Variants in MARCHF1 observed in about 807,000 individuals in gnomAD.
MARCHF1 encodes the protein membrane associated ring-CH-type finger 1.
Under a neutral mutation model 54.2 loss-of-function variants are expected in MARCHF1, and 40 were observed. That is an observed-to-expected ratio of 0.74 (90% confidence interval 0.57 to 0.96). The LOEUF is 0.96. MARCHF1 is among the 40% of genes least tolerant of loss of function. The pLI, the probability that MARCHF1 is intolerant of heterozygous loss-of-function variation, is 0.00. For missense variants in MARCHF1, 586 were observed against 656.5 expected (o/e 0.89, Z 1.17); for synonymous variants, 236 against 236.3 (o/e 1.00, Z 0.01).
At chr4:163,992,721 G>C (rs6817504) in intron 2 of MARCHF1, among the ~76,000 whole-genome samples, 17,000 of 148,752 alleles carry the variant, frequency 0.11, 1,115 homozygotes, top group Middle Eastern at 0.21. Flanking sequence ...AAAATCCTAT[G>C]AGCAATATAA....
intron 4 of MARCHF1, among the ~76,000 whole-genome samples, chr4:163,782,692 G>GAAAGAA (rs1747502991): frequency 7.1e-6 from 1 of 140,798 alleles, no homozygotes; most frequent in African/African-American, 2.6e-5. Context: ...AAAAAAGAAA[G>GAAAGAA]AAAGAAAAGG....
At chr4:164,065,842 G>C (rs1419516292) in intron 2 of MARCHF1, among the ~76,000 whole-genome samples, 1 of 152,192 alleles carries the variant, frequency 6.6e-6, no homozygotes, top group African/African-American at 2.4e-5. Context: ...CAGGGCAGGA[G>C]AAATGGAAGG....
At chr4:164,190,045 G>A in intron 1 of MARCHF1, 3 of 1,342,904 alleles carry the variant, frequency 2.2e-6, no homozygotes, top group Non-Finnish European at 3.2e-6. Context: ...CTCAAGGAGT[G>A]CATTGATACT....
At chr4:164,302,654 G>T (rs191833629) in intron 1 of MARCHF1, among the ~76,000 whole-genome samples, 49 of 152,148 alleles carry the variant, frequency 3.2e-4, no homozygotes, top group Admixed American at 1.2e-3. Context: ...GAGGTAGGTG[G>T]ATAACTTGAG....
intron 3 of MARCHF1, among the ~76,000 whole-genome samples, chr4:163,937,136 C>T (rs1008704984): frequency 1.3e-5 from 2 of 152,096 alleles, no homozygotes; most frequent in African/African-American, 2.4e-5. Context: ...GTTACAGTCC[C>T]ACTGGAATAC....
intron 3 of MARCHF1, among the ~76,000 whole-genome samples, chr4:163,893,227 C>A (rs76332356): frequency 1.3e-5 from 2 of 152,116 alleles, no homozygotes; most frequent in African/African-American, 4.8e-5. Context: ...GCAACCTCCG[C>A]CTTCCAGTTC....
intron 1 of MARCHF1, among the ~76,000 whole-genome samples, chr4:164,295,447 A>AACAC (rs5863675): frequency 8.6e-5 from 13 of 150,796 alleles, no homozygotes; most frequent in East Asian, 2.0e-4. Context: ...CATACACACA[A>AACAC]ACACACACAC....
chr4:164,259,205 C>T (rs1188196131), intron 1 of MARCHF1, among the ~76,000 whole-genome samples: 2 of 152,044 alleles, frequency 1.3e-5, no homozygotes, highest in East Asian at 3.9e-4. Context: ...TGCACATCAC[C>T]TATCCATCAA....
intron 1 of MARCHF1, among the ~76,000 whole-genome samples, chr4:164,155,068 T>C (rs1487766588): frequency 2.6e-5 from 4 of 152,178 alleles, no homozygotes; most frequent in African/African-American, 9.7e-5. Context: ...CATTCTGTTG[T>C]TTGTCTGTTC....
At chr4:164,173,522 G>A (rs866665597) in intron 1 of MARCHF1, among the ~76,000 whole-genome samples, 2 of 152,152 alleles carry the variant, frequency 1.3e-5, no homozygotes, top group South Asian at 4.1e-4. Flanking sequence ...ATGTTGAAAT[G>A]TAATCTTCAG....
At chr4:164,381,362 T>G (rs1004283584) in intron 1 of MARCHF1, among the ~76,000 whole-genome samples, 1 of 152,226 alleles carries the variant, frequency 6.6e-6, no homozygotes. Context: ...AAATTATATC[T>G]ATTTATAATA....
chr4:164,159,967 C>T (rs937900023), intron 1 of MARCHF1, among the ~76,000 whole-genome samples: 3 of 152,106 alleles, frequency 2.0e-5, no homozygotes, highest in Non-Finnish European at 4.4e-5. Context: ...GAAACCACCA[C>T]TTATGCCTTT....
chr4:164,135,496 T>C (rs4475098), intron 1 of MARCHF1: 3 of 152,062 alleles, frequency 2.0e-5, no homozygotes, highest in South Asian at 2.1e-4. Context: ...CTTCTTCACA[T>C]GGCAACAAGA....
chr4:164,152,119 GA>G (rs762048583), intron 1 of MARCHF1, among the ~76,000 whole-genome samples: 2 of 152,098 alleles, frequency 1.3e-5, no homozygotes, highest in Non-Finnish European at 2.9e-5. Context: ...GGAAATGGGG[GA>G]CGATAGAAAA....
intron 2 of MARCHF1, among the ~76,000 whole-genome samples, chr4:164,099,343 G>C (rs2111151946): frequency 1.3e-5 from 2 of 152,256 alleles, no homozygotes; most frequent in Middle Eastern, 6.8e-3. Context: ...ATGTTAAAGA[G>C]ATTTAAGGCT....
At chr4:163,653,179 A>C (rs1426080505) in intron 5 of MARCHF1, among the ~76,000 whole-genome samples, 2 of 151,814 alleles carry the variant, frequency 1.3e-5, no homozygotes, top group Non-Finnish European at 2.9e-5. Context: ...AGAGCACTCT[A>C]GGCAGAGAGA....
chr4:163,529,311 G>T (rs1381013221), intron 9 of MARCHF1, among the ~76,000 whole-genome samples: 1 of 151,954 alleles, frequency 6.6e-6, no homozygotes, highest in Admixed American at 6.6e-5. Context: ...CTAGCATCAA[G>T]TACCTATCAT....
intron 4 of MARCHF1, among the ~76,000 whole-genome samples, chr4:163,832,981 A>G (rs1186831797): frequency 6.6e-6 from 1 of 152,060 alleles, no homozygotes; most frequent in Non-Finnish European, 1.5e-5. Context: ...TTCTTAATCC[A>G]GTCTATCATT....
intron 8 of MARCHF1, among the ~76,000 whole-genome samples, chr4:163,559,821 T>C (rs1443628281): frequency 1.3e-5 from 2 of 152,202 alleles, no homozygotes; most frequent in Admixed American, 6.5e-5. Context: ...GTGTGGACAA[T>C]GCCTTCTACA....
Sources: allele counts gnomAD v4.1 joint callset (sites outside exome capture counted in the v4.1 genomes callset), GRCh38; gene constraint gnomAD v4.1.1; transcripts MANE v1.5; gene names NCBI Gene and HGNC (gene_info 2026-07-23, HGNC 2026-07-21).